FRMD5: variants seen among roughly 807,000 people sequenced by gnomAD.
FRMD5 encodes FERM domain-containing protein 5.
In FRMD5, 20 loss-of-function variants were observed where a neutral mutation model predicts 69.0. The observed-to-expected ratio is 0.29, with a 90% CI of 0.20 to 0.42. FRMD5 has a LOEUF of 0.42. FRMD5 is among the 10% of genes least tolerant of loss of function. The pLI, the probability that FRMD5 is intolerant of heterozygous loss-of-function variation, is 1.00. For missense variants in FRMD5, 595 were observed against 708.6 expected (o/e 0.84, Z 1.82); for synonymous variants, 271 against 260.1 (o/e 1.04, Z -0.40).
At chr15:44,197,693 A>AG (rs2078321544), upstream of FRMD5, among the ~76,000 whole-genome samples, 1 of 151,688 alleles carries the variant, frequency 6.6e-6, no homozygotes, top group African/African-American at 2.4e-5. Flanking sequence ...AAAAAAAAAA[A>AG]AAAAAGAAAG....
intron 1 of FRMD5, among the ~76,000 whole-genome samples, chr15:44,047,780 G>A (rs773462870): frequency 1.3e-5 from 2 of 152,026 alleles, no homozygotes; most frequent in Non-Finnish European, 2.9e-5. Flanking sequence ...GTCTCTAATG[G>A]TTTGCCTATT....
chr15:44,141,184 A>G (rs2077269096), intron 1 of FRMD5, among the ~76,000 whole-genome samples: 1 of 152,214 alleles, frequency 6.6e-6, no homozygotes, highest in Admixed American at 6.5e-5. Flanking sequence ...ACAAACATGA[A>G]TACTTGATGG....
Position 43,924,259 on chromosome 15 carries a change from G to A in FRMD5, c.153C>T (p.Asn51=). ...YLFDLLCHHL[N]LLEKDYFGIR... ...TACCAAAATAGTCTTTCTCAAGTAG[G>A]TTCAGATGGTGGCAAAGAAGGTCAA... is the stretch of plus-strand genomic sequence containing the variant. The change falls in exon 2 of 14, where the codon AAC becomes AAT. Residue 51 remains asparagine (N), a synonymous_variant. Coordinates refer to ENST00000417257, the MANE Select transcript of FRMD5 (RefSeq NM_032892.5). The A allele has an allele frequency of 6.2e-7, 1 of 1,614,150 alleles. No homozygotes were observed. The highest frequency in any genetic ancestry group is 8.5e-7 in the Non-Finnish European group (1 of 1,180,010).
chr15:43,974,603 T>G (rs1160026938), intron 1 of FRMD5, among the ~76,000 whole-genome samples: 8 of 152,210 alleles, frequency 5.3e-5, no homozygotes, highest in Non-Finnish European at 1.5e-5. Context: ...CCTTATCCAT[T>G]TTGGTGATTC....
intron 1 of FRMD5, among the ~76,000 whole-genome samples, chr15:44,016,748 G>A (rs1890977202): frequency 6.6e-6 from 1 of 151,740 alleles, no homozygotes; most frequent in Admixed American, 6.6e-5. Context: ...AAAAAATGAA[G>A]ACTTGGGTTC....
intron 1 of FRMD5, among the ~76,000 whole-genome samples, chr15:44,173,893 T>C (rs1280517302): frequency 6.6e-6 from 1 of 152,190 alleles, no homozygotes; most frequent in African/African-American, 2.4e-5. Context: ...TAAATAGCAC[T>C]AAAATGTATA....
At chr15:44,146,767 T>C (rs755036767) in intron 1 of FRMD5, among the ~76,000 whole-genome samples, 1 of 152,124 alleles carries the variant, frequency 6.6e-6, no homozygotes, top group African/African-American at 2.4e-5. Flanking sequence ...CTTTTTTTCA[T>C]ATGTTTGTTG....
chr15:44,030,160 T>C (rs993707433), intron 1 of FRMD5, among the ~76,000 whole-genome samples: 2 of 152,202 alleles, frequency 1.3e-5, no homozygotes, highest in East Asian at 3.9e-4. Flanking sequence ...GCAGACTAAA[T>C]GGGAATGAAC....
intron 13 of FRMD5, among the ~76,000 whole-genome samples, chr15:43,882,426 T>G (rs573341703): frequency 3.9e-5 from 6 of 152,144 alleles, no homozygotes; most frequent in Non-Finnish European, 7.4e-5. Flanking sequence ...TGGCACGATC[T>G]CAGCTCACTG....
chr15:44,088,702 T>C (rs746093428), intron 1 of FRMD5, among the ~76,000 whole-genome samples: 1 of 152,214 alleles, frequency 6.6e-6, no homozygotes, highest in Non-Finnish European at 1.5e-5. Context: ...CCAGGCACTA[T>C]GATGTACTTT....
intron 1 of FRMD5, among the ~76,000 whole-genome samples, chr15:44,080,642 G>T (rs138505383): frequency 6.6e-6 from 1 of 152,122 alleles, no homozygotes; most frequent in Non-Finnish European, 1.5e-5. Context: ...CTTATTGTTT[G>T]TATACTTGTC....
intron 1 of FRMD5, among the ~76,000 whole-genome samples, chr15:43,944,739 G>A (rs1024204830): frequency 2.6e-5 from 4 of 152,076 alleles, no homozygotes; most frequent in Non-Finnish European, 5.9e-5. Context: ...ACAGGCACCC[G>A]CTACCGGCTG....
intron 1 of FRMD5, among the ~76,000 whole-genome samples, chr15:44,104,964 A>G (rs2076694810): frequency 6.6e-6 from 1 of 151,764 alleles, no homozygotes; most frequent in African/African-American, 2.4e-5. Context: ...TTATTTATTC[A>G]TTTCTCAGCT....
chr15:44,137,260 C>T (rs938041945), intron 1 of FRMD5, among the ~76,000 whole-genome samples: 4 of 152,250 alleles, frequency 2.6e-5, no homozygotes, highest in Admixed American at 6.5e-5. Flanking sequence ...TCCAGGAATT[C>T]GGTAGCCACC....
intron 1 of FRMD5, among the ~76,000 whole-genome samples, chr15:43,994,918 T>C (rs369216560): frequency 2.6e-5 from 4 of 152,238 alleles, no homozygotes; most frequent in East Asian, 3.8e-4. Context: ...GCCGTTTTCA[T>C]AAGACAAGTT....
intron 6 of FRMD5, among the ~76,000 whole-genome samples, chr15:43,904,409 C>T (rs558381743): frequency 6.6e-6 from 1 of 152,186 alleles, no homozygotes; most frequent in South Asian, 2.1e-4. Context: ...CGCTCTGTGG[C>T]CCAGGCTGGC....
chr15:44,161,012 G>A (rs187233659), intron 1 of FRMD5, among the ~76,000 whole-genome samples: 10 of 152,242 alleles, frequency 6.6e-5, no homozygotes, highest in East Asian at 1.9e-4. Context: ...TAGCACCCTC[G>A]TGGCACAAAA....
intron 1 of FRMD5, among the ~76,000 whole-genome samples, chr15:43,931,013 TTGAGA>T (rs1333107852): frequency 6.6e-6 from 1 of 152,228 alleles, no homozygotes; most frequent in Non-Finnish European, 1.5e-5. Context: ...GCCAGTCTTA[TTGAGA>T]TATCAGTGGT....
chr15:43,908,023 A>G (rs1177923492), intron 5 of FRMD5, among the ~76,000 whole-genome samples: 1 of 152,198 alleles, frequency 6.6e-6, no homozygotes, highest in Non-Finnish European at 1.5e-5. Context: ...TTTGAAGGAA[A>G]ATGAATGATT....
Sources: gnomAD v4.1 joint callset for allele counts (sites outside exome capture counted in the v4.1 genomes callset) on GRCh38, gnomAD v4.1.1 for gene constraint, MANE v1.5 for transcripts, NCBI Gene and HGNC (gene_info 2026-07-23, HGNC 2026-07-21) for gene names.